The following PGR variants were observed in gnomAD, a reference collection of about 807,000 sequenced individuals.
The protein encoded by PGR is progesterone receptor.
A neutral mutation model predicts 76.1 loss-of-function variants in PGR; 25 were observed. The ratio of observed to expected loss-of-function variants is 0.33; its 90% CI spans 0.24 to 0.46. The LOEUF is 0.46. Among genes scored for constraint, PGR ranks in the 20% least tolerant of loss-of-function variants. The probability of loss-of-function intolerance (pLI) is 1.00; values close to 1 mark genes in which losing one functional copy is unlikely to be tolerated. For missense variants in PGR, 1,172 were observed against 1,225.3 expected, an observed-to-expected ratio of 0.96 and a Z score of 0.65; for synonymous variants, 579 against 535.0, an observed-to-expected ratio of 1.08 and a Z score of -1.14.
chr11:101,055,916 C>A (rs1243581867), intron 4 of PGR, among the ~76,000 whole-genome samples: 4 of 152,064 alleles, frequency 2.6e-5, no homozygotes, highest in African/African-American at 9.7e-5. Flanking sequence ...ATAGCAGAAA[C>A]TATATTTCTG....
intron 2 of PGR, among the ~76,000 whole-genome samples, chr11:101,093,274 G>A (rs936154597): frequency 6.6e-6 from 1 of 151,938 alleles, no homozygotes; most frequent in Non-Finnish European, 1.5e-5. Context: ...CAGGAGGTTA[G>A]CAGAGTGTAC....
intron 2 of PGR, among the ~76,000 whole-genome samples, chr11:101,111,103 T>C (rs1862328723): frequency 6.6e-6 from 1 of 152,244 alleles, no homozygotes; most frequent in Admixed American, 6.5e-5. Context: ...ATATTTGCTT[T>C]ATTGTAGTTG....
At chr11:101,079,143 A>C (rs1237133162) in intron 3 of PGR, among the ~76,000 whole-genome samples, 1 of 152,176 alleles carries the variant, frequency 6.6e-6, no homozygotes, top group Non-Finnish European at 1.5e-5. Context: ...AAATCGATTA[A>C]AGACTTAAGT....
chr11:101,109,470 A>C (rs1322142409), intron 2 of PGR, among the ~76,000 whole-genome samples: 2 of 152,252 alleles, frequency 1.3e-5, no homozygotes, highest in Non-Finnish European at 2.9e-5. Flanking sequence ...AGAAACGCTT[A>C]ATGGTCTGGA....
At chr11:101,114,311 ATT>A (rs1862434451) in intron 2 of PGR, among the ~76,000 whole-genome samples, 1 of 152,160 alleles carries the variant, frequency 6.6e-6, no homozygotes, top group Non-Finnish European at 1.5e-5. Flanking sequence ...GAGTCTCAAT[ATT>A]TAACACAAAT....
rs745958335 is a variant in PGR at position 101,128,686 on chromosome 11, G to A, written c.385C>T (p.Pro129Ser). The A allele has an allele frequency of 1.9e-4, 303 of 1,602,546 alleles. No homozygotes were observed. The highest frequency in any genetic ancestry group is 2.5e-4 in the Non-Finnish European group (289 of 1,175,456). The change falls in exon 1 of 8, where the codon CCC (proline) becomes TCC (serine). Residue 129 changes from proline (P) to serine (S), a missense_variant. Physicochemically the swap from Pro to Ser is moderately conservative, Grantham distance 74 (BLOSUM62 -1). Around this residue, in one of 4 missense-constraint regions of PGR, gnomAD observed 893 missense variants for 785.9 expected, o/e 1.14. Coordinates refer to ENST00000325455, the MANE Select transcript of PGR (RefSeq NM_000926.4). ...GTGACCTCGCAGGCGGGAGGGCTGGGTTGGCTCTGCCCGGGACCTGAGGGC... is the reference window on the plus strand; with the variant it reads ...GTGACCTCGCAGGCGGGAGGGCTGGATTGGCTCTGCCCGGGACCTGAGGGC... ...LAPSGPGQSQ[P>S]SPPACEVTSS...
chr11:101,043,424 G>C (rs550156374), intron 6 of PGR, among the ~76,000 whole-genome samples: 19 of 152,246 alleles, frequency 1.2e-4, no homozygotes, highest in Non-Finnish European at 1.9e-4. Context: ...CTCCACTGAA[G>C]TTTTGAACAC....
intron 2 of PGR, among the ~76,000 whole-genome samples, chr11:101,100,569 G>A (rs1451598561): frequency 6.6e-6 from 1 of 151,506 alleles, no homozygotes; most frequent in Non-Finnish European, 1.5e-5. Context: ...AGGTTTTGTT[G>A]TTAGAGGTAA....
chr11:101,098,677 G>A (rs1861910132), intron 2 of PGR, among the ~76,000 whole-genome samples: 1 of 152,180 alleles, frequency 6.6e-6, no homozygotes, highest in African/African-American at 2.4e-5. Flanking sequence ...AAAAGTTTCA[G>A]ATACAGATAT....
Position 101,128,998 on chromosome 11 carries a change from A to G in PGR, c.73T>C (p.Ser25Pro), listed in dbSNP as rs772873062. 3 of 1,586,742 alleles carry G rather than the reference A, an allele frequency of 1.9e-6. No homozygotes were observed. Among genetic ancestry groups the G allele is most frequent in the South Asian group, 2.3e-5 (2 of 86,558 alleles). Reference sequence around the variant, plus strand: ...GCGGCTGGGCGACACAGCAGTGGGGATCCGACCTCGGGGGAGGGCGGGCCG... The same window carrying G: ...GCGGCTGGGCGACACAGCAGTGGGGGTCCGACCTCGGGGGAGGGCGGGCCG... The part of the protein sequence containing the change: ...AGGPPSPEVG[S>P]PLLCRPAAGP... Residue 25 changes from serine to proline, a missense_variant, in exon 1 of 8, where the codon TCC becomes CCC. Ser to Pro is a moderately conservative substitution (Grantham distance 74, BLOSUM62 -1). Around this residue, in one of 4 missense-constraint regions of PGR, gnomAD observed 893 missense variants for 785.9 expected, o/e 1.14. Coordinates refer to ENST00000325455, the MANE Select transcript of PGR (RefSeq NM_000926.4).
chr11:101,105,700 C>T (rs750432936), intron 2 of PGR, among the ~76,000 whole-genome samples: 1 of 152,126 alleles, frequency 6.6e-6, no homozygotes, highest in African/African-American at 2.4e-5. Flanking sequence ...CTACCACTGA[C>T]TTTCTTCACA....
intron 2 of PGR, among the ~76,000 whole-genome samples, chr11:101,124,888 T>G (rs1862790703): frequency 6.6e-6 from 1 of 152,162 alleles, no homozygotes; most frequent in South Asian, 2.1e-4. Flanking sequence ...ATTCATCTTT[T>G]GTGAGAAAAA....
rs146863087 is a variant in PGR, at chr11:101,066,177, C to G, written c.1907-3425G>C. On this transcript the variant is annotated intron_variant, in intron 3 of 7. Transcript: ENST00000325455. ...CCTCCAATTCTCCCTTGAACCTTCTCCAGTCAGGTCATTCCTCTCCTTATC... is the reference window on the plus strand; with the variant it reads ...CCTCCAATTCTCCCTTGAACCTTCTGCAGTCAGGTCATTCCTCTCCTTATC... 1.7e-3 allele frequency among the ~76,000 whole-genome samples: 266 copies of G among 152,300 alleles called. 4 individuals are homozygous for G. The highest frequency in any genetic ancestry group is 6.1e-3 in the African/African-American group (255 of 41,578).
chr11:101,059,195 T>C (rs188302956), intron 4 of PGR, among the ~76,000 whole-genome samples: 2 of 152,064 alleles, frequency 1.3e-5, no homozygotes, highest in East Asian at 3.9e-4. Context: ...TAAGATGCAG[T>C]TTAACTGACA....
intron 3 of PGR, among the ~76,000 whole-genome samples, chr11:101,079,800 T>A (rs1444585859): frequency 6.6e-6 from 1 of 152,216 alleles, no homozygotes; most frequent in Non-Finnish European, 1.5e-5. Flanking sequence ...GAAGATATTA[T>A]CTGCATTCAC....
intron 5 of PGR, among the ~76,000 whole-genome samples, chr11:101,050,455 T>C (rs1434209034): frequency 6.6e-6 from 1 of 152,116 alleles, no homozygotes; most frequent in African/African-American, 2.4e-5. Context: ...TGAAAAATTA[T>C]ATAATTTTGT....
At chr11:101,069,653 T>C (rs754203560) in intron 3 of PGR, among the ~76,000 whole-genome samples, 8 of 152,162 alleles carry the variant, frequency 5.3e-5, no homozygotes, top group Non-Finnish European at 1.2e-4. Flanking sequence ...ATGTGGCACA[T>C]ATACACCATG....
rs1433909676 is a variant in PGR, at chr11:101,031,713, G to A, written c.*7403C>T. 3.6e-5 allele frequency: 8 copies of A among 224,978 alleles called. No individual in the cohort carries two copies. The highest frequency in any genetic ancestry group is 8.9e-5 in the African/African-American group (4 of 44,764). The allele number at this position is 224,978 out of a possible 1,614,324, so 13.9% of individuals were successfully genotyped here. A position where few individuals can be genotyped will look rare whatever the true frequency, so the allele number is the denominator to read the frequency against. On this transcript the variant is annotated 3_prime_UTR_variant, in exon 8 of 8. Coordinates refer to ENST00000325455, the MANE Select transcript of PGR (RefSeq NM_000926.4). ...AGCAAGAATTTTGTTTTTAATGTAG[G>A]CTTTTAAATGGGCTTTGATGGAACT...
At chr11:101,044,551 T>C (rs1462051355) in intron 6 of PGR, among the ~76,000 whole-genome samples, 1 of 152,162 alleles carries the variant, frequency 6.6e-6, no homozygotes, top group East Asian at 1.9e-4. Context: ...CTTGGCTAGT[T>C]GCTTGGCTCA....
Sources: gnomAD v4.1 joint callset for allele counts (sites outside exome capture counted in the v4.1 genomes callset) on GRCh38, gnomAD v4.1.1 for gene constraint, gnomAD v4.1.1 regional missense constraint, MANE v1.5 for transcripts, NCBI Gene and HGNC (gene_info 2026-07-23, HGNC 2026-07-21) for gene names.